The following CCDC14 variants were observed in gnomAD, a reference collection of about 807,000 sequenced individuals.
The protein encoded by CCDC14 is coiled-coil domain-containing protein 14.
Under a neutral mutation model 81.4 loss-of-function variants are expected in CCDC14, and 71 were observed. That is an observed-to-expected ratio of 0.87 (90% CI 0.72 to 1.06). The LOEUF is 1.06. Among genes scored for constraint, CCDC14 ranks in the 50% least tolerant of loss-of-function variants. The pLI, the probability that CCDC14 is intolerant of heterozygous loss-of-function variation, is 0.00. For synonymous variants in CCDC14, 332 were observed against 364.8 expected, an observed-to-expected ratio of 0.91 and a Z score of 1.03; for missense variants, 1,046 against 1,047.3, an observed-to-expected ratio of 1.00 and a Z score of 0.02.
intron 12 of CCDC14, among the ~76,000 whole-genome samples, chr3:123,917,595 A>C (rs1398671244): frequency 1.3e-5 from 2 of 152,116 alleles, no homozygotes; most frequent in Non-Finnish European, 2.9e-5. Context: ...ACCACTAGCC[A>C]ATAAGCATGC....
chr3:123,926,367 G>C (rs2035360863), intron 12 of CCDC14, among the ~76,000 whole-genome samples: 1 of 151,732 alleles, frequency 6.6e-6, no homozygotes, highest in Non-Finnish European at 1.5e-5. Flanking sequence ...ACATAATTCA[G>C]CTAAAGACAC....
At chr3:123,902,955 C>T (rs1577200199) in intron 5 of CCDC14, among the ~76,000 whole-genome samples, 2 of 152,018 alleles carry the variant, frequency 1.3e-5, no homozygotes, top group African/African-American at 4.8e-5. Flanking sequence ...TGTCCTAATA[C>T]TCTCCCTCCC....
chr3:123,932,148 T>C (rs1281127412), intron 10 of CCDC14, among the ~76,000 whole-genome samples: 4 of 152,156 alleles, frequency 2.6e-5, no homozygotes, highest in South Asian at 2.1e-4. Flanking sequence ...TATACAGAGA[T>C]GAACAACACA....
chr3:123,913,182 T>A (rs932936590), downstream of CCDC14, among the ~76,000 whole-genome samples: 3 of 152,216 alleles, frequency 2.0e-5, no homozygotes, highest in African/African-American at 7.2e-5. Context: ...GTCATGTGCA[T>A]GTCTTTTATC....
At chr3:123,917,924 T>C (rs1333252785) in intron 12 of CCDC14, among the ~76,000 whole-genome samples, 6 of 152,104 alleles carry the variant, frequency 3.9e-5, no homozygotes, top group African/African-American at 1.4e-4. Flanking sequence ...ATAAGATAGA[T>C]GGACATATAT....
At chr3:123,912,354 A>G (rs1364381471), downstream of CCDC14, among the ~76,000 whole-genome samples, 1 of 152,158 alleles carries the variant, frequency 6.6e-6, no homozygotes, top group Non-Finnish European at 1.5e-5. Flanking sequence ...GAGATGATCT[A>G]AAGACGACGA....
At chr3:123,945,672 G>A (rs2036590125) in intron 8 of CCDC14, among the ~76,000 whole-genome samples, 1 of 152,098 alleles carries the variant, frequency 6.6e-6, no homozygotes, top group South Asian at 2.1e-4. Context: ...CGGGCTGAAA[G>A]TACTTAAAAT....
chr3:123,914,226 T>G lies in CCDC14; in HGVS notation c.*553A>C. On this transcript the variant is annotated 3_prime_UTR_variant, in exon 13 of 13. Coordinates refer to ENST00000409697, the MANE Select transcript of CCDC14 (RefSeq NM_001366335.1). ...TTAACTTAGGATGTTATCTATATATTTTTTAGACCAATCAATGTTTTTTAA... is the reference window on the plus strand; with the variant it reads ...TTAACTTAGGATGTTATCTATATATGTTTTAGACCAATCAATGTTTTTTAA... The G allele has an allele frequency of 9.1e-6, 9 of 984,498 alleles. No homozygotes were observed. Among genetic ancestry groups the G allele is most frequent in the Non-Finnish European group, 9.7e-6 (8 of 828,712 alleles). The allele number at this position is 984,498 out of a possible 1,614,324, so 61.0% of individuals were successfully genotyped here.
intron 12 of CCDC14, among the ~76,000 whole-genome samples, chr3:123,924,653 T>C (rs920690026): frequency 6.6e-6 from 1 of 151,940 alleles, no homozygotes. Context: ...CCAATATGTC[T>C]AAGAAAAAAT....
chr3:123,954,782 G>A (rs1167914357), intron 5 of CCDC14: 1 of 151,828 alleles, frequency 6.6e-6, no homozygotes. Context: ...TATAATAACT[G>A]GATCAATTAT....
At chr3:123,928,932 T>C (rs1046894864) in intron 12 of CCDC14, among the ~76,000 whole-genome samples, 7 of 152,012 alleles carry the variant, frequency 4.6e-5, no homozygotes, top group African/African-American at 1.2e-4. Flanking sequence ...CTTCCCTCCA[T>C]AGATGAGGAC....
rs1308932206 is a variant in CCDC14, at chr3:123,931,495, C to T, written c.1458G>A (p.Leu486=). The change falls in exon 11 of 13, where the codon CTG becomes CTA. Residue 486 remains leucine, a synonymous_variant. Coordinates refer to ENST00000409697, the MANE Select transcript of CCDC14 (RefSeq NM_001366335.1). The stretch of plus-strand genomic sequence containing the variant: ...TTAGTGACTCCTCCAATTGATTTTG[C>T]AGTGACATATTCAATGACTGAAGAG... ...LFSLQSLNMS[L]QNQLEESLKS... The T allele has an allele frequency of 3.8e-6, 6 of 1,568,036 alleles. No individual in the cohort carries two copies. The East Asian group carries it at 6.9e-5, about 18-fold the overall frequency.
At chr3:123,924,301 A>G (rs1265169617) in intron 12 of CCDC14, among the ~76,000 whole-genome samples, 1 of 152,200 alleles carries the variant, frequency 6.6e-6, no homozygotes, top group Non-Finnish European at 1.5e-5. Context: ...AATGGATTAA[A>G]GATTTAAATA....
chr3:123,933,565 T>C (rs2148866052), intron 10 of CCDC14, 108 bp downstream of exon 10: 2 of 719,806 alleles, frequency 2.8e-6, no homozygotes, highest in Middle Eastern at 5.7e-4. Flanking sequence ...CTTATGTTTC[T>C]ACAATATTTT....
At chr3:123,918,648 A>T (rs1311778688) in intron 12 of CCDC14, among the ~76,000 whole-genome samples, 1 of 152,236 alleles carries the variant, frequency 6.6e-6, no homozygotes, top group Non-Finnish European at 1.5e-5. Flanking sequence ...TACCACAGAA[A>T]AAGAAAGCTG....
the CCDC14 span, among the ~76,000 whole-genome samples, chr3:123,889,333 A>G: frequency 6.6e-6 from 1 of 152,132 alleles, no homozygotes; most frequent in Non-Finnish European, 1.5e-5. Context: ...GATTGCTTGC[A>G]CTGAGGAGGT....
At chr3:123,899,069 T>C (rs1222892520) in intron 5 of CCDC14, among the ~76,000 whole-genome samples, 1 of 152,178 alleles carries the variant, frequency 6.6e-6, no homozygotes, top group African/African-American at 2.4e-5. Context: ...TAATTGTTTA[T>C]TAACAAAGTC....
intron 3 of CCDC14, 36 bp from the exon 4 acceptor site, chr3:123,956,151 T>G (rs1352795662): frequency 7.4e-6 from 11 of 1,480,404 alleles, no homozygotes; most frequent in Non-Finnish European, 9.1e-6. Flanking sequence ...TACATTTGTA[T>G]ATGACTGTTA....
chr3:123,948,196 T>C (rs2036769194), intron 7 of CCDC14, among the ~76,000 whole-genome samples: 1 of 151,868 alleles, frequency 6.6e-6, no homozygotes, highest in African/African-American at 2.4e-5. Flanking sequence ...TCTTTCTCCT[T>C]CATTATTGTC....
Sources: allele counts gnomAD v4.1 joint callset (sites outside exome capture counted in the v4.1 genomes callset), GRCh38; gene constraint gnomAD v4.1.1; transcripts MANE v1.5; gene names NCBI Gene and HGNC (gene_info 2026-07-23, HGNC 2026-07-21).